The following CDYL2 variants were observed in gnomAD, a reference collection of about 807,000 sequenced individuals.
CDYL2 encodes the protein chromodomain Y-like protein 2.
CDYL2 carries 23 observed loss-of-function variants against 49.4 expected under a neutral mutation model. The ratio of observed to expected loss-of-function variants is 0.47; its 90% CI spans 0.34 to 0.66. CDYL2 has a LOEUF of 0.66. Among genes scored for constraint, CDYL2 ranks in the 30% least tolerant of loss-of-function variants. The probability of loss-of-function intolerance (pLI) is 0.01; values close to 1 mark genes in which losing one functional copy is unlikely to be tolerated. For synonymous variants in CDYL2, 360 were observed against 268.8 expected (o/e 1.34, Z -3.32); for missense variants, 678 against 656.4 (o/e 1.03, Z -0.36).
At chr16:80,693,764 G>A (rs142652982) in intron 1 of CDYL2, among the ~76,000 whole-genome samples, 129 of 152,160 alleles carry the variant, frequency 8.5e-4, no homozygotes, top group Middle Eastern at 3.4e-3. Context: ...ATTCATGACT[G>A]TACATTTGTC....
At chr16:80,672,423 G>C (rs751100540) in intron 2 of CDYL2, among the ~76,000 whole-genome samples, 9 of 149,784 alleles carry the variant, frequency 6.0e-5, no homozygotes, top group Non-Finnish European at 1.3e-4. Flanking sequence ...GATACAGTCA[G>C]ATATCACAGG....
intron 1 of CDYL2, among the ~76,000 whole-genome samples, chr16:80,709,273 T>C (rs1904509308): frequency 6.6e-6 from 1 of 151,178 alleles, no homozygotes; most frequent in South Asian, 2.1e-4. Context: ...CCCCAGCTAC[T>C]CAGGAGACTG....
At chr16:80,661,790 T>A (rs569232552) in intron 2 of CDYL2, among the ~76,000 whole-genome samples, 1 of 152,210 alleles carries the variant, frequency 6.6e-6, no homozygotes, top group Non-Finnish European at 1.5e-5. Context: ...CATTTCACTA[T>A]GTTATCATCA....
At chr16:80,613,122 G>C (rs537204280) in intron 4 of CDYL2, among the ~76,000 whole-genome samples, 1 of 152,022 alleles carries the variant, frequency 6.6e-6, no homozygotes, top group Non-Finnish European at 1.5e-5. Context: ...AAAAGCCATA[G>C]CTTACACAGT....
At chr16:80,633,350 C>G (rs1272789577) in intron 2 of CDYL2, 114 bp from the exon 3 acceptor site, 2 of 994,700 alleles carry the variant, frequency 2.0e-6, no homozygotes, top group Non-Finnish European at 3.0e-6. Flanking sequence ...CTGGGACACA[C>G]CACCTTCTCC....
intron 1 of CDYL2, among the ~76,000 whole-genome samples, chr16:80,789,344 T>C (rs959949712): frequency 6.6e-5 from 10 of 152,188 alleles, no homozygotes; most frequent in African/African-American, 2.4e-4. Context: ...GGCTCACGCC[T>C]GTAATCCCAG....
chr16:80,646,184 C>T (rs965504758), intron 2 of CDYL2, among the ~76,000 whole-genome samples: 1 of 151,678 alleles, frequency 6.6e-6, no homozygotes, highest in Admixed American at 6.6e-5. Flanking sequence ...GTCCCTCCCA[C>T]AATATGTGGG....
intron 2 of CDYL2, among the ~76,000 whole-genome samples, chr16:80,677,404 G>C (rs12928101): frequency 1.1e-4 from 17 of 152,306 alleles, no homozygotes; most frequent in African/African-American, 3.6e-4. Context: ...GTTAGTCACA[G>C]CGTTTCAGGC....
chr16:80,744,329 T>C (rs1296612795), intron 1 of CDYL2, among the ~76,000 whole-genome samples: 1 of 152,112 alleles, frequency 6.6e-6, no homozygotes, highest in African/African-American at 2.4e-5. Flanking sequence ...AGCAACTCTA[T>C]TAACCATAGC....
chr16:80,671,754 T>G (rs1356719352), intron 2 of CDYL2, among the ~76,000 whole-genome samples: 2 of 152,200 alleles, frequency 1.3e-5, no homozygotes, highest in Admixed American at 6.5e-5. Context: ...GGCAAGGCAA[T>G]GACAAAACTA....
At chr16:80,634,576 C>T (rs191804199) in intron 2 of CDYL2, among the ~76,000 whole-genome samples, 22 of 152,236 alleles carry the variant, frequency 1.4e-4, no homozygotes, top group Admixed American at 1.2e-3. Flanking sequence ...AGCAAACCAA[C>T]ACGACACATG....
intron 3 of CDYL2, among the ~76,000 whole-genome samples, chr16:80,629,935 A>T (rs1159885757): frequency 6.6e-6 from 1 of 152,152 alleles, no homozygotes; most frequent in African/African-American, 2.4e-5. Context: ...TGCATACATT[A>T]TCTCTAATCT....
At chr16:80,725,948 T>A (rs1905149770) in intron 1 of CDYL2, among the ~76,000 whole-genome samples, 1 of 152,218 alleles carries the variant, frequency 6.6e-6, no homozygotes, top group Admixed American at 6.5e-5. Flanking sequence ...GGGATGACAC[T>A]TAGTCACTCA....
At chr16:80,626,548 T>C (rs902844833) in intron 3 of CDYL2, among the ~76,000 whole-genome samples, 1 of 152,122 alleles carries the variant, frequency 6.6e-6, no homozygotes, top group Non-Finnish European at 1.5e-5. Flanking sequence ...TAAAAATACA[T>C]GAATTATAAT....
At chr16:80,696,916 G>A (rs1201019230) in intron 1 of CDYL2, among the ~76,000 whole-genome samples, 1 of 152,154 alleles carries the variant, frequency 6.6e-6, no homozygotes, top group Non-Finnish European at 1.5e-5. Context: ...AGAATCACCT[G>A]AAGTCAGGAG....
intron 1 of CDYL2, 123 bp downstream of exon 1, chr16:80,804,027 G>T: frequency 3.0e-6 from 2 of 674,286 alleles, no homozygotes; most frequent in Non-Finnish European, 1.8e-6. Flanking sequence ...CGCCGCCGCC[G>T]CCGCGGGCTC....
intron 1 of CDYL2, among the ~76,000 whole-genome samples, chr16:80,794,819 G>C (rs1907721169): frequency 1.3e-5 from 2 of 151,758 alleles, no homozygotes; most frequent in South Asian, 4.2e-4. Context: ...CTCCATGTTG[G>C]TCAGGCTGGT....
intron 2 of CDYL2, among the ~76,000 whole-genome samples, chr16:80,683,886 T>G (rs776543161): frequency 3.0e-4 from 45 of 152,192 alleles, no homozygotes; most frequent in Non-Finnish European, 4.8e-4. Context: ...CCTTCAGAAT[T>G]GTGAGAAATT....
chr16:80,709,561 G>GACACACAC lies in CDYL2; in HGVS notation c.25-24440_25-24433dup, dbSNP rs10673992. On this transcript the variant is annotated intron_variant, in intron 1 of 6. Transcript: ENST00000570137. ...AAACTGAGCCATGCAGGAATAAACA[G>GACACACAC]ACACACACACACACACACACACACA... Among the ~76,000 whole-genome samples, 1,032 of 143,742 alleles carry GACACACAC rather than the reference G, an allele frequency of 7.2e-3. 6 individuals are homozygous for GACACACAC. The highest frequency in any genetic ancestry group is 0.014 in the African/African-American group (553 of 39,040). The allele number at this position is 143,742 out of a possible 152,430, so 94.3% of individuals were successfully genotyped here.
Sources: allele counts gnomAD v4.1 joint callset (sites outside exome capture counted in the v4.1 genomes callset), GRCh38; gene constraint gnomAD v4.1.1; transcripts MANE v1.5; gene names NCBI Gene and HGNC (gene_info 2026-07-23, HGNC 2026-07-21).